Variants in PPP4R3B observed in about 807,000 individuals in gnomAD.
PPP4R3B encodes the protein protein phosphatase 4 regulatory subunit 3B.
A neutral mutation model predicts 95.4 loss-of-function variants in PPP4R3B; 52 were observed. The observed-to-expected ratio is 0.54, with a 90% CI of 0.44 to 0.69. PPP4R3B has a LOEUF of 0.69. Ranked by LOEUF, PPP4R3B falls within the 30% of genes least tolerant of loss-of-function variation. The pLI is 0.00. For missense variants in PPP4R3B, 1,003 were observed against 1,005.9 expected (o/e 1.00, Z 0.04); for synonymous variants, 407 against 343.9 (o/e 1.18, Z -2.03).
intron 6 of PPP4R3B, among the ~76,000 whole-genome samples, chr2:55,585,676 C>G (rs1231031561): frequency 2.0e-5 from 3 of 152,084 alleles, no homozygotes; most frequent in African/African-American, 7.2e-5. Context: ...ACTTAGTTTT[C>G]TAAGATGGTA....
chr2:55,614,833 T>A (rs554489566), intron 2 of PPP4R3B: 4 of 152,290 alleles, frequency 2.6e-5, no homozygotes, highest in African/African-American at 9.6e-5. Context: ...ACAAAAACAT[T>A]CACAGAATAA....
chr2:55,549,586 CATT>C lies in PPP4R3B; in HGVS notation c.*322_*324del, dbSNP rs1435118653. The C allele has an allele frequency of 1.2e-5, 3 of 246,602 alleles. No homozygotes were observed. In the East Asian group the frequency reaches 3.2e-4, roughly 26 times the overall value. The allele number at this position is 246,602 out of a possible 1,614,324, so 15.3% of individuals were successfully genotyped here. ...ATCGACACCCCGAGGAGCAACCCTG[CATT>C]ATTATATCAACCTTTTCCCCTCCCC... is the stretch of plus-strand genomic sequence containing the variant. On this transcript the variant is annotated 3_prime_UTR_variant, in exon 17 of 17. Coordinates refer to ENST00000616407, the MANE Select transcript of PPP4R3B (RefSeq NM_001122964.3).
At position 55,617,602 on chromosome 2, in the gene PPP4R3B, A is replaced by T. The variant is rs1167280940; in HGVS notation, c.-317T>A. The T allele has an allele frequency of 2.0e-5, 5 of 250,760 alleles. No homozygotes were observed. The highest frequency in any genetic ancestry group is 5.2e-5 in the Admixed American group (1 of 19,156). 15.5% of individuals were successfully genotyped at this position (250,760 alleles called of 1,614,324 possible). On this transcript the variant is annotated 5_prime_UTR_variant, in exon 1 of 17. Transcript: ENST00000616407. Reference sequence around the variant, plus strand: ...TACAGATCCGCCATCTTGTAACCCGACTCTCTCTGCCTTTCTCTTCCTCCT... The same window carrying T: ...TACAGATCCGCCATCTTGTAACCCGTCTCTCTCTGCCTTTCTCTTCCTCCT...
intron 15 of PPP4R3B, among the ~76,000 whole-genome samples, chr2:55,562,525 G>A (rs145912866): frequency 2.0e-5 from 3 of 152,246 alleles, no homozygotes; most frequent in African/African-American, 4.8e-5. Context: ...TTTCGCCTTC[G>A]ACCATGACTG....
At chr2:55,576,773 G>C (rs1285064374) in intron 11 of PPP4R3B, among the ~76,000 whole-genome samples, 1 of 152,178 alleles carries the variant, frequency 6.6e-6, no homozygotes, top group African/African-American at 2.4e-5. Flanking sequence ...TTATAACGGG[G>C]ACAAGAAATT....
chr2:55,559,224 T>C lies in PPP4R3B; in HGVS notation c.2261-256A>G, dbSNP rs139719150. Among the ~76,000 whole-genome samples, 480 of 152,066 alleles carry C rather than the reference T, an allele frequency of 3.2e-3. 5 individuals are homozygous for C. Among genetic ancestry groups the C allele is most frequent in the South Asian group, 0.014 (69 of 4,808 alleles). On this transcript the variant is annotated intron_variant, in intron 15 of 16. Transcript: ENST00000616407. The stretch of plus-strand genomic sequence containing the variant: ...AGCCGGGTGTGGTGGCGCATGTCTA[T>C]AATCTTAGCTACTTGGGAGGCTGAG...
rs774267714 is a variant in PPP4R3B at position 55,564,869 on chromosome 2, G to A, written c.2075+33C>T. On this transcript the variant is annotated intron_variant, in intron 14 of 16. Transcript: ENST00000616407. ...TACAAACAATTTTGGACACAGTTTT[G>A]TAGGCTATAAAAGCAGTATACTTAA... The A allele has an allele frequency of 3.6e-5, 57 of 1,590,398 alleles. 1 individual carries two copies. The highest frequency in any genetic ancestry group is 4.8e-5 in the Non-Finnish European group (56 of 1,173,818).
Position 55,617,393 on chromosome 2 carries a change from G to T in PPP4R3B, c.-108C>A. 7.6e-7 allele frequency: 1 copy of T among 1,309,518 alleles called. No homozygotes were observed. Among genetic ancestry groups the T allele is most frequent in the Non-Finnish European group, 1.0e-6 (1 of 1,004,098 alleles). 81.1% of individuals were successfully genotyped at this position (1,309,518 alleles called of 1,614,324 possible). A position where few individuals can be genotyped will look rare whatever the true frequency, so the allele number is the denominator to read the frequency against. ...CAGTAGTGGCGGTGGCGGCGGCGGC[G>T]GCTTCGGAGAGGCCCGAATTCACCA... On this transcript the variant is annotated 5_prime_UTR_variant, in exon 1 of 17. Transcript: ENST00000616407.
chr2:55,609,953 C>G (rs1394174743), intron 2 of PPP4R3B, among the ~76,000 whole-genome samples: 2 of 151,980 alleles, frequency 1.3e-5, no homozygotes, highest in Non-Finnish European at 2.9e-5. Flanking sequence ...CAATAAATAC[C>G]TTTTGAATTT....
rs1444157813 is a variant in PPP4R3B, at chr2:55,549,899, C to T, written c.*12G>A. On this transcript the variant is annotated 3_prime_UTR_variant, in exon 17 of 17. Coordinates refer to ENST00000616407, the MANE Select transcript of PPP4R3B (RefSeq NM_001122964.3). ...TGTAAGACCACATGTTGAGGGTCCC[C>T]TAATAAATATTTTATGAGCCAAGAC... 1 of 1,597,522 alleles carries T rather than the reference C, an allele frequency of 6.3e-7. No homozygotes were observed. The highest frequency in any genetic ancestry group is 8.6e-7 in the Non-Finnish European group (1 of 1,165,232).
intron 15 of PPP4R3B, among the ~76,000 whole-genome samples, chr2:55,561,999 T>C (rs1012123482): frequency 6.6e-6 from 1 of 152,136 alleles, no homozygotes; most frequent in African/African-American, 2.4e-5. Flanking sequence ...TTGGCTCTTG[T>C]CCCCACCCAA....
chr2:55,617,247 C>T lies in PPP4R3B; in HGVS notation c.39G>A (p.Leu13=), dbSNP rs1400545911. Residue 13 remains leucine (L), a synonymous_variant, in exon 1 of 17, where the codon CTG becomes CTA. Coordinates refer to ENST00000616407, the MANE Select transcript of PPP4R3B (RefSeq NM_001122964.3). ...GGTCGTCCCATTGCCGGTCTTCGTT[C>T]AGGGTATAGACCTTCACTCGCCGCC... is the stretch of plus-strand genomic sequence containing the variant. ...DTRRRVKVYT[L]NEDRQWDDRG... The T allele has an allele frequency of 6.2e-7, 1 of 1,613,922 alleles. No individual in the cohort carries two copies. Among genetic ancestry groups the T allele is most frequent in the South Asian group, 1.1e-5 (1 of 91,082 alleles).
chr2:55,588,383 C>T (rs1004084505), intron 5 of PPP4R3B, among the ~76,000 whole-genome samples: 4 of 151,900 alleles, frequency 2.6e-5, no homozygotes, highest in African/African-American at 4.8e-5. Flanking sequence ...TGTGGCAGCG[C>T]ATGCCTGTAA....
At chr2:55,575,781 G>A (rs1009410512) in intron 11 of PPP4R3B, among the ~76,000 whole-genome samples, 2 of 152,020 alleles carry the variant, frequency 1.3e-5, no homozygotes, top group East Asian at 3.9e-4. Flanking sequence ...AAAATCACAG[G>A]CTTACGGAAT....
chr2:55,563,321 A>T (rs1303057155), intron 15 of PPP4R3B, among the ~76,000 whole-genome samples: 1 of 152,256 alleles, frequency 6.6e-6, no homozygotes, highest in Non-Finnish European at 1.5e-5. Context: ...TCACATTCAA[A>T]ATCACAAACT....
rs143932824 is a variant in PPP4R3B at position 55,594,199 on chromosome 2, G to C, written c.921+4217C>G. 1.8e-4 allele frequency among the ~76,000 whole-genome samples: 28 copies of C among 151,610 alleles called. 1 individual carries two copies. The highest frequency in any genetic ancestry group is 5.3e-4 in the African/African-American group (22 of 41,316). On this transcript the variant is annotated intron_variant, in intron 4 of 16. Coordinates refer to ENST00000616407, the MANE Select transcript of PPP4R3B (RefSeq NM_001122964.3). ...GTTTAAAAATTATCTACTGGGCACT[G>C]TGTTCAATATCACGGTGATGGGTAC...
intron 5 of PPP4R3B, among the ~76,000 whole-genome samples, chr2:55,587,059 G>A (rs1309563396): frequency 6.6e-6 from 1 of 151,994 alleles, no homozygotes; most frequent in Non-Finnish European, 1.5e-5. Context: ...ATCTTTCTAA[G>A]TGAACCTTTG....
In PPP4R3B at chr2:55,581,784, G is replaced by A. The variant is rs999980712; in HGVS notation, c.1234-86C>T. ...CAAAAACACCAACTGAAAGAGCAAA[G>A]TGAGAATTATATAGAGAAAAAACGA... On this transcript the variant is annotated intron_variant, in intron 7 of 16. Transcript: ENST00000616407. The A allele has an allele frequency of 5.6e-6, 8 of 1,419,332 alleles. No individual in the cohort carries two copies. The African/African-American group carries it at 1.2e-4, about 21-fold the overall frequency. 87.9% of individuals were successfully genotyped at this position (1,419,332 alleles called of 1,614,324 possible). A position where few individuals can be genotyped will look rare whatever the true frequency, so the allele number is the denominator to read the frequency against.
chr2:55,615,522 T>A lies in PPP4R3B; in HGVS notation c.143-16A>T, dbSNP rs374942559. 8.0e-5 allele frequency: 121 copies of A among 1,512,792 alleles called. No homozygotes were observed. The African/African-American group carries it at 1.4e-3, about 17-fold the overall frequency. The allele number at this position is 1,512,792 out of a possible 1,614,324, so 93.7% of individuals were successfully genotyped here. The stretch of plus-strand genomic sequence containing the variant: ...AGTAGTGATCCTGAAAGATAAAAAA[T>A]AATACATCATAAGTCTCAAATGATA... On this transcript the variant is annotated splice_polypyrimidine_tract_variant and intron_variant, in intron 1 of 16. Coordinates refer to ENST00000616407, the MANE Select transcript of PPP4R3B (RefSeq NM_001122964.3).
Sources: allele counts gnomAD v4.1 joint callset (sites outside exome capture counted in the v4.1 genomes callset), GRCh38; gene constraint gnomAD v4.1.1; transcripts MANE v1.5; gene names NCBI Gene and HGNC (gene_info 2026-07-23, HGNC 2026-07-21).